The following VWC2 variants were observed in gnomAD, a reference collection of about 807,000 sequenced individuals.
VWC2 encodes the protein brorin.
A neutral mutation model predicts 29.8 loss-of-function variants in VWC2; 14 were observed. The ratio of observed to expected loss-of-function variants is 0.47; its 90% CI spans 0.31 to 0.74. The LOEUF is 0.74. Ranked by LOEUF, VWC2 falls within the 30% of genes least tolerant of loss-of-function variation. VWC2 has a pLI of 0.05. For missense variants in VWC2, 457 were observed against 459.8 expected, an observed-to-expected ratio of 0.99 and a Z score of 0.05; for synonymous variants, 213 against 199.0, an observed-to-expected ratio of 1.07 and a Z score of -0.59.
chr7:49,781,065 G>A (rs1413018400), intron 2 of VWC2, among the ~76,000 whole-genome samples: 1 of 152,312 alleles, frequency 6.6e-6, no homozygotes, highest in African/African-American at 2.4e-5. Flanking sequence ...TTACTTAACT[G>A]AAAACAATGC....
chr7:49,784,538 G>A (rs1788252141), intron 2 of VWC2, among the ~76,000 whole-genome samples: 1 of 152,228 alleles, frequency 6.6e-6, no homozygotes, highest in African/African-American at 2.4e-5. Flanking sequence ...CAAGTAGAAA[G>A]AATCAGATCA....
At chr7:49,834,966 G>C (rs1487274049) in intron 3 of VWC2, among the ~76,000 whole-genome samples, 1 of 152,178 alleles carries the variant, frequency 6.6e-6, no homozygotes, top group Non-Finnish European at 1.5e-5. Context: ...AATTAATATA[G>C]AAAGTGTATT....
chr7:49,808,655 C>T (rs577367664), intron 3 of VWC2, among the ~76,000 whole-genome samples: 13 of 152,038 alleles, frequency 8.6e-5, no homozygotes, highest in African/African-American at 3.1e-4. Context: ...ATTTAAAGGA[C>T]TTAATCATAT....
chr7:49,854,292 T>A (rs1790324475), intron 3 of VWC2, among the ~76,000 whole-genome samples: 1 of 152,172 alleles, frequency 6.6e-6, no homozygotes, highest in South Asian at 2.1e-4. Flanking sequence ...ATTGCCACAC[T>A]CTTCCACAAT....
rs138529849 is a variant in VWC2 at position 49,818,218 on chromosome 7, A to C, written c.826+15378A>C. 9.4e-3 allele frequency among the ~76,000 whole-genome samples: 1,437 copies of C among 152,344 alleles called. 14 individuals are homozygous for C. The highest frequency in any genetic ancestry group is 0.023 in the South Asian group (113 of 4,826). On this transcript the variant is annotated intron_variant, in intron 3 of 3. Coordinates refer to ENST00000340652, the MANE Select transcript of VWC2 (RefSeq NM_198570.5). ...GAATTCCTATTACTTAAGTATTCAGAGGATGGGGAGCCAAATTCACAGAGA... is the reference window on the plus strand; with the variant it reads ...GAATTCCTATTACTTAAGTATTCAGCGGATGGGGAGCCAAATTCACAGAGA...
At position 49,912,275 on chromosome 7, in the gene VWC2, A is replaced by C. The variant is rs1226174733; in HGVS notation, c.*90A>C. 1 of 1,379,656 alleles carries C rather than the reference A, an allele frequency of 7.2e-7. No homozygotes were observed. The highest frequency in any genetic ancestry group is 1.4e-5 in the African/African-American group (1 of 69,392). 85.5% of individuals were successfully genotyped at this position (1,379,656 alleles called of 1,614,324 possible). A position where few individuals can be genotyped will look rare whatever the true frequency, so the allele number is the denominator to read the frequency against. ...GACTCTGGGAACTATCAGTCAAAGA[A>C]GACTTTTGATGAGGAATAATGGAAA... On this transcript the variant is annotated 3_prime_UTR_variant, in exon 4 of 4. Coordinates refer to ENST00000340652, the MANE Select transcript of VWC2 (RefSeq NM_198570.5).
At chr7:49,781,247 A>C (rs1788171296) in intron 2 of VWC2, among the ~76,000 whole-genome samples, 1 of 150,634 alleles carries the variant, frequency 6.6e-6, no homozygotes, top group African/African-American at 2.5e-5. Flanking sequence ...TTAAACAGTG[A>C]CTTTTTTTTT....
chr7:49,804,761 G>A (rs943464074), intron 3 of VWC2, among the ~76,000 whole-genome samples: 1 of 151,930 alleles, frequency 6.6e-6, no homozygotes, highest in Admixed American at 6.6e-5. Flanking sequence ...TATTTGCTTT[G>A]TCTCTTTCTT....
In VWC2 at chr7:49,868,684, C is replaced by G. The variant is rs1791012293; in HGVS notation, c.827-43350C>G. Among the ~76,000 whole-genome samples, 3 of 152,216 alleles carry G rather than the reference C, an allele frequency of 2.0e-5. 1 individual carries two copies. In the South Asian group the frequency reaches 6.2e-4, roughly 31 times the overall value. ...CTAGGCTGAAGTGCAATGGCACGATCTTGGCTCACTGCAACCTCTGCCTCC... is the reference window on the plus strand; with the variant it reads ...CTAGGCTGAAGTGCAATGGCACGATGTTGGCTCACTGCAACCTCTGCCTCC... On this transcript the variant is annotated intron_variant, in intron 3 of 3. Coordinates refer to ENST00000340652, the MANE Select transcript of VWC2 (RefSeq NM_198570.5).
At chr7:49,792,564 A>G (rs1788487830) in intron 2 of VWC2, among the ~76,000 whole-genome samples, 7 of 152,214 alleles carry the variant, frequency 4.6e-5, no homozygotes, top group Admixed American at 4.6e-4. Context: ...GGGATGGCGC[A>G]GTCCAGTTCT....
At chr7:49,856,493 A>G (rs1790422168) in intron 3 of VWC2, among the ~76,000 whole-genome samples, 1 of 152,192 alleles carries the variant, frequency 6.6e-6, no homozygotes, top group Non-Finnish European at 1.5e-5. Flanking sequence ...TCTTTTCTTT[A>G]AAAATTACCC....
intron 3 of VWC2, among the ~76,000 whole-genome samples, chr7:49,832,578 C>A (rs1220970634): frequency 6.6e-6 from 1 of 152,148 alleles, no homozygotes. Context: ...CCTTATTGTG[C>A]TGAACCAGGT....
intron 3 of VWC2, among the ~76,000 whole-genome samples, chr7:49,816,013 G>C (rs574945209): frequency 6.6e-6 from 1 of 152,130 alleles, no homozygotes; most frequent in African/African-American, 2.4e-5. Flanking sequence ...AGTGGGAGTG[G>C]GTCATGGAAT....
rs1272088187 is a variant in VWC2, at chr7:49,919,904, T to G, written c.*7719T>G. 6.6e-6 allele frequency: 1 copy of G among 152,236 alleles called. No individual in the cohort carries two copies. The highest frequency in any genetic ancestry group is 1.5e-5 in the Non-Finnish European group (1 of 68,036). The allele number at this position is 152,236 out of a possible 1,614,324, so 9.4% of individuals were successfully genotyped here. On this transcript the variant is annotated 3_prime_UTR_variant, in exon 4 of 4. Coordinates refer to ENST00000340652, the MANE Select transcript of VWC2 (RefSeq NM_198570.5). ...AATCATTATGTTCTATATATGTTTT[T>G]GTAGGTTTTAGATTAATTATGGCCA... is the stretch of plus-strand genomic sequence containing the variant.
intron 3 of VWC2, among the ~76,000 whole-genome samples, chr7:49,835,600 A>G (rs1234001704): frequency 6.6e-6 from 1 of 152,246 alleles, no homozygotes; most frequent in Non-Finnish European, 1.5e-5. Flanking sequence ...AGAGGGAACA[A>G]AAAGGAAGAA....
chr7:49,787,605 G>A lies in VWC2; in HGVS notation c.696+11474G>A, dbSNP rs202076854. Reference sequence around the variant, plus strand: ...CCAGATGCTCACCTTTCTTTCTCACGTGGGGCAGAACTGCCCCGAGCGCCT... The same window carrying A: ...CCAGATGCTCACCTTTCTTTCTCACATGGGGCAGAACTGCCCCGAGCGCCT... On this transcript the variant is annotated intron_variant, in intron 2 of 3. Coordinates refer to ENST00000340652, the MANE Select transcript of VWC2 (RefSeq NM_198570.5). 1.2e-4 allele frequency among the ~76,000 whole-genome samples: 18 copies of A among 152,306 alleles called. No individual in the cohort carries two copies. The East Asian group carries it at 3.1e-3, about 26-fold the overall frequency.
At chr7:49,842,869 A>C (rs577736408) in intron 3 of VWC2, among the ~76,000 whole-genome samples, 13 of 152,292 alleles carry the variant, frequency 8.5e-5, no homozygotes, top group Admixed American at 8.5e-4. Flanking sequence ...ATATCTCATA[A>C]TATTATTCAT....
chr7:49,811,297 T>G (rs1173823394), intron 3 of VWC2, among the ~76,000 whole-genome samples: 9 of 152,178 alleles, frequency 5.9e-5, no homozygotes, highest in Admixed American at 5.2e-4. Context: ...AATCTCATCT[T>G]GAATTGTATT....
At chr7:49,889,152 G>A (rs1792026189) in intron 3 of VWC2, among the ~76,000 whole-genome samples, 1 of 152,134 alleles carries the variant, frequency 6.6e-6, no homozygotes, top group Admixed American at 6.5e-5. Flanking sequence ...CCTCATTTCT[G>A]AGTCACATCA....
Sources: gnomAD v4.1 joint callset for allele counts (sites outside exome capture counted in the v4.1 genomes callset) on GRCh38, gnomAD v4.1.1 for gene constraint, MANE v1.5 for transcripts, NCBI Gene and HGNC (gene_info 2026-07-23, HGNC 2026-07-21) for gene names.